Variants in PAICS observed in about 807,000 individuals in gnomAD.
PAICS encodes the protein phosphoribosylaminoimidazole carboxylase and phosphoribosylaminoimidazolesuccinocarboxamide synthase.
Under a neutral mutation model 53.7 loss-of-function variants are expected in PAICS, and 33 were observed. The ratio of observed to expected loss-of-function variants is 0.61; its 90% confidence interval spans 0.47 to 0.82. PAICS has a LOEUF of 0.82. Among genes scored for constraint, PAICS ranks in the 40% least tolerant of loss-of-function variants. The pLI, the probability that PAICS is intolerant of heterozygous loss-of-function variation, is 0.00. For missense variants in PAICS, 394 were observed against 494.1 expected (o/e 0.80, Z 1.92); for synonymous variants, 141 against 167.2 (o/e 0.84, Z 1.21).
chr4:56,430,239 T>C, the PAICS span, among the ~76,000 whole-genome samples: 5 of 152,340 alleles, frequency 3.3e-5, no homozygotes, highest in African/African-American at 1.2e-4. Flanking sequence ...TTCTGTTGAA[T>C]ACATACCCAG....
At chr4:56,439,437 A>G (rs962674901) in intron 1 of PAICS, among the ~76,000 whole-genome samples, 1 of 151,980 alleles carries the variant, frequency 6.6e-6, no homozygotes, top group African/African-American at 2.4e-5. Context: ...GGATTTTACC[A>G]TGTTGGTCAG....
upstream of PAICS, chr4:56,436,074 C>T: frequency 6.7e-7 from 1 of 1,482,418 alleles, no homozygotes; most frequent in Non-Finnish European, 8.9e-7. Context: ...GAGGCGGGGT[C>T]GCGTCTCTGC....
At chr4:56,422,981 A>G in the PAICS span, 1 of 152,166 alleles carries the variant, frequency 6.6e-6, no homozygotes, top group Non-Finnish European at 1.5e-5. Context: ...TAATGATGCA[A>G]GCAAGTTTGA....
the PAICS span, chr4:56,428,986 G>C: frequency 1.0e-6 from 1 of 978,404 alleles, no homozygotes; most frequent in Non-Finnish European, 1.2e-6. Flanking sequence ...TGAGCTTCAA[G>C]AGAAAAGCAC....
rs554263527 is a variant in PAICS, at chr4:56,456,266, A to G, written c.1111+2505A>G. On this transcript the variant is annotated intron_variant, in intron 8 of 8. Transcript: ENST00000512576. ...ACCACCACGCCTGGCTAATTTTTGTATTTTTAGTGGAGATGTGGTTTCACC... is the reference window on the plus strand; with the variant it reads ...ACCACCACGCCTGGCTAATTTTTGTGTTTTTAGTGGAGATGTGGTTTCACC... Among the ~76,000 whole-genome samples, 15 of 152,024 alleles carry G rather than the reference A, an allele frequency of 9.9e-5. 1 individual carries two copies. The South Asian group carries it at 3.1e-3, about 32-fold the overall frequency.
At chr4:56,447,595 G>C (rs1211875909) in intron 3 of PAICS, among the ~76,000 whole-genome samples, 1 of 152,142 alleles carries the variant, frequency 6.6e-6, no homozygotes, top group Non-Finnish European at 1.5e-5. Context: ...AGATTTGATT[G>C]ATTAAAATGT....
At chr4:56,435,955 C>A, upstream of PAICS, 5 of 1,510,154 alleles carry the variant, frequency 3.3e-6, no homozygotes, top group East Asian at 2.7e-5. Context: ...GAGTCGCTCC[C>A]GCAGCCGAGA....
chr4:56,427,796 CTGGGT>C, the PAICS span, among the ~76,000 whole-genome samples: 1 of 152,138 alleles, frequency 6.6e-6, no homozygotes, highest in African/African-American at 2.4e-5. Context: ...CAAAATAATA[CTGGGT>C]CCACTGCAGG....
At chr4:56,413,655 G>A in the PAICS span, among the ~76,000 whole-genome samples, 2 of 152,040 alleles carry the variant, frequency 1.3e-5, no homozygotes, top group African/African-American at 2.4e-5. Context: ...CAGCACTTTG[G>A]GAGGTTGAGG....
Position 56,446,749 on chromosome 4 carries a change from A to G in PAICS, c.269A>G (p.Gln90Arg). 1 of 1,605,872 alleles carries G rather than the reference A, an allele frequency of 6.2e-7. No individual in the cohort carries two copies. Among genetic ancestry groups the G allele is most frequent in the Non-Finnish European group, 8.5e-7 (1 of 1,175,006 alleles). Residue 90 changes from glutamine (Q) to arginine (R), a missense_variant, in exon 3 of 9, where the codon CAG becomes CGG. Coordinates refer to ENST00000512576, the MANE Select transcript of PAICS (RefSeq NM_001079524.2). ...GGGGAGACAGCTTTCATTGCACCGC[A>G]GTGTGAAATGATTCCAATTGAATGG... ...KCGETAFIAP[Q>R]CEMIPIEWVC...
intron 8 of PAICS, among the ~76,000 whole-genome samples, chr4:56,454,798 A>AT (rs550230594): frequency 6.1e-4 from 91 of 148,230 alleles, no homozygotes; most frequent in South Asian, 4.9e-3. Flanking sequence ...CATGGTATTG[A>AT]TTTTTTTTTT....
At chr4:56,444,265 G>A (rs1303227221) in intron 2 of PAICS, among the ~76,000 whole-genome samples, 3 of 152,050 alleles carry the variant, frequency 2.0e-5, no homozygotes, top group Non-Finnish European at 2.9e-5. Flanking sequence ...ATCTTTTTCC[G>A]TGGAAATAGT....
At position 56,448,522 on chromosome 4, in the gene PAICS, T is replaced by G; in HGVS notation, c.498T>G (p.Ser166Arg). Reference sequence around the variant, plus strand: ...GCCAGACTGAAGTGGATATCATGAGTCATGCTACACAGGCTATATTTGAAA... The same window carrying G: ...GCCAGACTGAAGTGGATATCATGAGGCATGCTACACAGGCTATATTTGAAA... ...LIGQTEVDIM[S>R]HATQAIFEIL... The change falls in exon 4 of 9, where the codon AGT becomes AGG. Residue 166 changes from serine (S) to arginine (R), a missense_variant. Ser to Arg is a moderately radical substitution (Grantham distance 110). Around this residue, in one of 3 missense-constraint regions of PAICS, gnomAD observed 168 missense variants for 199.3 expected, o/e 0.84. Coordinates refer to ENST00000512576, the MANE Select transcript of PAICS (RefSeq NM_001079524.2). 1 of 1,612,476 alleles carries G rather than the reference T, an allele frequency of 6.2e-7. No homozygotes were observed.
At chr4:56,413,558 T>C in the PAICS span, among the ~76,000 whole-genome samples, 5 of 152,300 alleles carry the variant, frequency 3.3e-5, no homozygotes, top group Non-Finnish European at 7.4e-5. Flanking sequence ...TGCAAAATTA[T>C]GGAGTATTGA....
the PAICS span, among the ~76,000 whole-genome samples, chr4:56,417,553 G>A: frequency 2.1e-4 from 32 of 152,256 alleles, no homozygotes; most frequent in African/African-American, 7.7e-4. Context: ...AGGCCAAGGT[G>A]CGGGATCACT....
At chr4:56,425,596 TC>T in the PAICS span, 3 of 154,488 alleles carry the variant, frequency 1.9e-5, no homozygotes, top group Admixed American at 1.3e-4. Context: ...GGTCTCCTGT[TC>T]CTGGCACAAA....
chr4:56,426,792 AC>A, the PAICS span, among the ~76,000 whole-genome samples: 1 of 152,210 alleles, frequency 6.6e-6, no homozygotes, highest in Non-Finnish European at 1.5e-5. Context: ...TTACCATTAT[AC>A]CCATAAGTAC....
Position 56,459,085 on chromosome 4 carries a change from G to T in PAICS, c.1112-287G>T, listed in dbSNP as rs117399222. Among the ~76,000 whole-genome samples, 4 of 152,268 alleles carry T rather than the reference G, an allele frequency of 2.6e-5. No homozygotes were observed. In the East Asian group the frequency reaches 7.7e-4, roughly 29 times the overall value. The stretch of plus-strand genomic sequence containing the variant: ...AAAGGGATAGTGTATGTGAACAGAA[G>T]TTTCAAAAAGATAAGTTTCTTTGTA... On this transcript the variant is annotated intron_variant, in intron 8 of 8. Coordinates refer to ENST00000512576, the MANE Select transcript of PAICS (RefSeq NM_001079524.2).
intron 2 of PAICS, 70 bp downstream of exon 2, chr4:56,441,930 T>G (rs1272408807): frequency 1.9e-6 from 2 of 1,065,968 alleles, no homozygotes; most frequent in East Asian, 2.6e-5. Context: ...TCATGTGAAG[T>G]TGGCATTAAT....
Sources: gnomAD v4.1 joint callset for allele counts (sites outside exome capture counted in the v4.1 genomes callset) on GRCh38, gnomAD v4.1.1 for gene constraint, gnomAD v4.1.1 regional missense constraint, MANE v1.5 for transcripts, NCBI Gene and HGNC (gene_info 2026-07-23, HGNC 2026-07-21) for gene names.